Variants in TTC27 observed in about 807,000 individuals in gnomAD.
The protein encoded by TTC27 is tetratricopeptide repeat protein 27.
A neutral mutation model predicts 115.9 loss-of-function variants in TTC27; 79 were observed. That is an observed-to-expected ratio of 0.68 (90% CI 0.57 to 0.82). TTC27 has a LOEUF of 0.82. TTC27 is among the 40% of genes least tolerant of loss of function. The probability of loss-of-function intolerance (pLI) is 0.00; values close to 1 mark genes in which losing one functional copy is unlikely to be tolerated. For synonymous variants in TTC27, 401 were observed against 356.0 expected, an observed-to-expected ratio of 1.13 and a Z score of -1.42; for missense variants, 1,054 against 993.1, an observed-to-expected ratio of 1.06 and a Z score of -0.82.
At chr2:32,711,584 A>G (rs1427552318) in intron 10 of TTC27, among the ~76,000 whole-genome samples, 1 of 152,162 alleles carries the variant, frequency 6.6e-6, no homozygotes, top group Non-Finnish European at 1.5e-5. Context: ...TAATTGTTTT[A>G]GTTTCTATGA....
intron 12 of TTC27, among the ~76,000 whole-genome samples, chr2:32,751,552 C>A (rs1669019176): frequency 6.6e-6 from 1 of 152,008 alleles, no homozygotes; most frequent in Non-Finnish European, 1.5e-5. Flanking sequence ...AGATTCAGGC[C>A]CAGATTACTG....
intron 1 of TTC27, 111 bp downstream of exon 1, chr2:32,628,491 G>A: frequency 1.8e-6 from 2 of 1,099,398 alleles, no homozygotes; most frequent in Non-Finnish European, 1.3e-6. Flanking sequence ...CAGTCTAGCT[G>A]ATTCCTTGAG....
intron 10 of TTC27, among the ~76,000 whole-genome samples, chr2:32,705,211 T>C (rs1667325482): frequency 6.6e-6 from 1 of 152,126 alleles, no homozygotes; most frequent in South Asian, 2.1e-4. Context: ...TTTGTTTCCT[T>C]TCTTGCCATG....
rs1272470077 is a variant in TTC27, at chr2:32,820,808, T to C, written c.2410-8T>C. 3 of 1,526,866 alleles carry C rather than the reference T, an allele frequency of 2.0e-6. No individual in the cohort carries two copies. Among genetic ancestry groups the C allele is most frequent in the South Asian group, 2.5e-5 (2 of 79,196 alleles). The allele number at this position is 1,526,866 out of a possible 1,614,324, so 94.6% of individuals were successfully genotyped here. A position where few individuals can be genotyped will look rare whatever the true frequency, so the allele number is the denominator to read the frequency against. On this transcript the variant is annotated splice_region_variant and splice_polypyrimidine_tract_variant and intron_variant, in intron 19 of 19. Transcript: ENST00000317907. ...TTTAATACTTCTGCTTTGTTTTTTA[T>C]ATTACAGCAACTTTTTACAGATGTG...
intron 7 of TTC27, among the ~76,000 whole-genome samples, chr2:32,667,310 T>C (rs1204601760): frequency 6.6e-6 from 1 of 152,116 alleles, no homozygotes; most frequent in East Asian, 1.9e-4. Flanking sequence ...TAGTTTGAAT[T>C]ATGACTCTTG....
At chr2:32,768,263 T>C (rs1185553392) in intron 13 of TTC27, among the ~76,000 whole-genome samples, 1 of 152,234 alleles carries the variant, frequency 6.6e-6, no homozygotes, top group African/African-American at 2.4e-5. Context: ...AATAATTTTG[T>C]TTTTGAAAAT....
rs1208910742 is a variant in TTC27 at position 32,711,137 on chromosome 2, AAAGAAG to A, written c.1233+8231_1233+8236del. Among the ~76,000 whole-genome samples, 16 of 149,620 alleles carry A rather than the reference AAAGAAG, an allele frequency of 1.1e-4. No individual in the cohort carries two copies. The East Asian group carries it at 1.4e-3, about 13-fold the overall frequency. The stretch of plus-strand genomic sequence containing the variant: ...GTCTCAAAAAAAAAAAAAAAAAAAA[AAAGAAG>A]AAGAAGAAGAAGAGAAGAGCCAAAT... On this transcript the variant is annotated intron_variant, in intron 10 of 19. Coordinates refer to ENST00000317907, the MANE Select transcript of TTC27 (RefSeq NM_017735.5).
chr2:32,790,279 T>G (rs3911052), intron 16 of TTC27, among the ~76,000 whole-genome samples: 61,787 of 151,280 alleles, frequency 0.41, 12,872 homozygotes, highest in South Asian at 0.54. Flanking sequence ...AATTTTTTTT[T>G]TGTGTGTGTG....
intron 16 of TTC27, among the ~76,000 whole-genome samples, chr2:32,793,712 G>A (rs528645973): frequency 5.3e-5 from 8 of 152,010 alleles, no homozygotes; most frequent in South Asian, 2.1e-4. Flanking sequence ...TAGTAGAGAC[G>A]GGGTTTCACC....
Position 32,678,732 on chromosome 2 carries a change from A to G in TTC27, c.1053-124A>G, listed in dbSNP as rs1666314875. ...GTGAGCCACTGTGCCCGGCCCCCAT[A>G]ATATTTAAATATCTGCTTTCAAATA... On this transcript the variant is annotated intron_variant, in intron 8 of 19. Transcript: ENST00000317907. The G allele has an allele frequency of 1.0e-5, 7 of 681,450 alleles. No individual in the cohort carries two copies. The South Asian group carries it at 1.2e-4, about 12-fold the overall frequency. 42.2% of individuals were successfully genotyped at this position (681,450 alleles called of 1,614,324 possible).
intron 13 of TTC27, among the ~76,000 whole-genome samples, chr2:32,759,879 A>C (rs1669376224): frequency 6.6e-6 from 1 of 152,212 alleles, no homozygotes; most frequent in Non-Finnish European, 1.5e-5. Flanking sequence ...TTCACTTAGC[A>C]TAATGTCCTG....
intron 19 of TTC27, among the ~76,000 whole-genome samples, chr2:32,819,785 C>T (rs1027219857): frequency 2.0e-5 from 3 of 152,172 alleles, no homozygotes; most frequent in Non-Finnish European, 4.4e-5. Context: ...AGAGCCTGGA[C>T]ACAGAACAGA....
intron 7 of TTC27, among the ~76,000 whole-genome samples, chr2:32,668,873 A>G (rs1665900674): frequency 6.6e-6 from 1 of 151,826 alleles, no homozygotes; most frequent in Non-Finnish European, 1.5e-5. Context: ...AGGTCAGGAG[A>G]TGGAGACCAT....
At chr2:32,688,182 G>C (rs1422418551) in intron 9 of TTC27, among the ~76,000 whole-genome samples, 2 of 152,070 alleles carry the variant, frequency 1.3e-5, no homozygotes, top group African/African-American at 4.8e-5. Flanking sequence ...TGCGTATGTA[G>C]AAAAACTCCA....
intron 16 of TTC27, among the ~76,000 whole-genome samples, chr2:32,797,441 G>C (rs1670746402): frequency 1.3e-5 from 2 of 152,090 alleles, no homozygotes; most frequent in African/African-American, 2.4e-5. Flanking sequence ...GCTTCCCAAA[G>C]TGCTGAAATT....
chr2:32,657,975 G>A (rs908857808), intron 5 of TTC27, among the ~76,000 whole-genome samples: 22 of 152,180 alleles, frequency 1.4e-4, no homozygotes, highest in Admixed American at 1.0e-3. Context: ...CATTACAGGC[G>A]CGTGCCAGCA....
chr2:32,766,004 T>G (rs1170681653), intron 13 of TTC27, among the ~76,000 whole-genome samples: 1 of 152,170 alleles, frequency 6.6e-6, no homozygotes, highest in African/African-American at 2.4e-5. Context: ...TTTCGCTTTC[T>G]TATCACTTGT....
intron 16 of TTC27, among the ~76,000 whole-genome samples, chr2:32,791,562 A>G (rs1329709791): frequency 6.6e-6 from 1 of 152,222 alleles, no homozygotes; most frequent in Non-Finnish European, 1.5e-5. Context: ...AGTAGGAACC[A>G]AAGACAGAAA....
At chr2:32,741,952 C>T (rs916084948) in intron 12 of TTC27, among the ~76,000 whole-genome samples, 8 of 152,188 alleles carry the variant, frequency 5.3e-5, no homozygotes, top group African/African-American at 1.7e-4. Flanking sequence ...TAGGAACAAA[C>T]CTTAAAGAAT....
Sources: allele counts gnomAD v4.1 joint callset (sites outside exome capture counted in the v4.1 genomes callset), GRCh38; gene constraint gnomAD v4.1.1; transcripts MANE v1.5; gene names NCBI Gene and HGNC (gene_info 2026-07-23, HGNC 2026-07-21).